ADGB: variants seen among roughly 807,000 people sequenced by gnomAD.
ADGB encodes androglobin.
Under a neutral mutation model 210.5 loss-of-function variants are expected in ADGB, and 172 were observed. The ratio of observed to expected loss-of-function variants is 0.82; its 90% CI spans 0.72 to 0.93. The LOEUF (loss-of-function observed/expected upper bound fraction) is 0.93. Ranked by LOEUF, ADGB falls within the 40% of genes least tolerant of loss-of-function variation. The pLI is 0.00. For synonymous variants in ADGB, 658 were observed against 662.7 expected (o/e 0.99, Z 0.11); for missense variants, 2,025 against 1,964.8 (o/e 1.03, Z -0.58).
At chr6:146,788,269 G>A in intron 32 of ADGB, 120 bp from the exon 33 acceptor site, 1 of 921,604 alleles carries the variant, frequency 1.1e-6, no homozygotes, top group South Asian at 1.6e-5. Context: ...CTGGTTAGAA[G>A]TTATAGAGCT....
chr6:146,685,877 G>GT, intron 10 of ADGB, 49 bp downstream of exon 10: 1 of 1,170,070 alleles, frequency 8.5e-7, no homozygotes, highest in Non-Finnish European at 1.2e-6. Flanking sequence ...GTGTGTGTGG[G>GT]TGCACGTGTG....
intron 33 of ADGB, among the ~76,000 whole-genome samples, chr6:146,800,009 C>T (rs889127148): frequency 2.0e-5 from 3 of 152,118 alleles, no homozygotes; most frequent in African/African-American, 7.2e-5. Context: ...GGGGTTTCAC[C>T]ATCTTGGTCG....
intron 35 of ADGB, among the ~76,000 whole-genome samples, chr6:146,806,513 T>C (rs1778214249): frequency 6.6e-6 from 1 of 152,218 alleles, no homozygotes; most frequent in African/African-American, 2.4e-5. Context: ...CAGTATTATC[T>C]TTTGTAAAAA....
intron 35 of ADGB, chr6:146,803,441 G>T: frequency 6.2e-7 from 1 of 1,608,056 alleles, no homozygotes; most frequent in Non-Finnish European, 8.5e-7. Flanking sequence ...CACCTTCCAG[G>T]GGGCTGTTTT....
chr6:146,773,170 A>G (rs1384533071), intron 29 of ADGB, among the ~76,000 whole-genome samples: 2 of 152,128 alleles, frequency 1.3e-5, no homozygotes. Flanking sequence ...GGTCACAGAA[A>G]TTCATAATTA....
In ADGB at chr6:146,692,921, T is replaced by A. The variant is rs1012295056; in HGVS notation, c.1577+6T>A. ...TTTACAATTCCAACAGAAATGTAAG[T>A]ATTAACATTCTTCCTCACAAATGTG... On this transcript the variant is annotated splice_donor_region_variant and intron_variant, in intron 12 of 35. Transcript: ENST00000397944. The A allele has an allele frequency of 7.0e-7, 1 of 1,420,214 alleles. No individual in the cohort carries two copies. The highest frequency in any genetic ancestry group is 1.4e-5 in the African/African-American group (1 of 69,796). 88.0% of individuals were successfully genotyped at this position (1,420,214 alleles called of 1,614,324 possible). A position where few individuals can be genotyped will look rare whatever the true frequency, so the allele number is the denominator to read the frequency against.
chr6:146,752,405 C>G, intron 26 of ADGB, 125 bp from the exon 27 acceptor site: 1 of 849,260 alleles, frequency 1.2e-6, no homozygotes, highest in Non-Finnish European at 1.8e-6. Context: ...GGCCCCACCT[C>G]AAACAGTGAG....
chr6:146,642,424 C>T (rs184165848), intron 2 of ADGB, among the ~76,000 whole-genome samples: 3 of 151,958 alleles, frequency 2.0e-5, no homozygotes, highest in Non-Finnish European at 4.4e-5. Context: ...ACCATAGAGA[C>T]ACATGCATGC....
chr6:146,807,808 A>C (rs1047674651), intron 35 of ADGB: 4 of 337,944 alleles, frequency 1.2e-5, no homozygotes, highest in Admixed American at 4.8e-5. Flanking sequence ...CCAAATATTT[A>C]AAATGTAATA....
intron 6 of ADGB, 152 bp downstream of exon 6, chr6:146,664,492 C>A: frequency 2.8e-6 from 2 of 710,276 alleles, no homozygotes; most frequent in South Asian, 6.6e-5. Context: ...ATCAAATACG[C>A]CAAAACCACT....
chr6:146,609,839 T>C (rs1177805442), intron 1 of ADGB, among the ~76,000 whole-genome samples: 1 of 152,164 alleles, frequency 6.6e-6, no homozygotes, highest in Non-Finnish European at 1.5e-5. Context: ...GATTCCCTTT[T>C]GGCAGTGAAT....
chr6:146,661,906 G>T (rs890595497), intron 5 of ADGB, among the ~76,000 whole-genome samples: 1 of 151,970 alleles, frequency 6.6e-6, no homozygotes, highest in Non-Finnish European at 1.5e-5. Context: ...TTTTCTTTCA[G>T]CATTTGGTAT....
intron 31 of ADGB, among the ~76,000 whole-genome samples, chr6:146,785,174 A>G (rs767053769): frequency 6.6e-6 from 1 of 152,132 alleles, no homozygotes; most frequent in Non-Finnish European, 1.5e-5. Context: ...ATTAAAAACC[A>G]TGTGCTGCCC....
At chr6:146,686,923 T>A (rs1247813105) in intron 10 of ADGB, among the ~76,000 whole-genome samples, 1 of 152,160 alleles carries the variant, frequency 6.6e-6, no homozygotes, top group African/African-American at 2.4e-5. Flanking sequence ...AATATTCCAA[T>A]TGAATGATTA....
chr6:146,602,767 C>T (rs1443826647), intron 1 of ADGB, among the ~76,000 whole-genome samples: 1 of 152,170 alleles, frequency 6.6e-6, no homozygotes, highest in East Asian at 1.9e-4. Context: ...TCCCCCTGAG[C>T]TCCTCATCCT....
chr6:146,735,484 T>C (rs368292625), intron 22 of ADGB, among the ~76,000 whole-genome samples: 33 of 152,294 alleles, frequency 2.2e-4, no homozygotes, highest in South Asian at 1.9e-3. Flanking sequence ...AACACACTCT[T>C]TCGATAATCA....
At chr6:146,610,705 C>A (rs1562254365) in intron 1 of ADGB, among the ~76,000 whole-genome samples, 1 of 152,136 alleles carries the variant, frequency 6.6e-6, no homozygotes, top group Non-Finnish European at 1.5e-5. Flanking sequence ...AGGTTAAGCA[C>A]CTTCTGCATT....
intron 3 of ADGB, among the ~76,000 whole-genome samples, chr6:146,647,427 G>GA (rs1047761057): frequency 1.3e-5 from 2 of 151,932 alleles, no homozygotes; most frequent in Non-Finnish European, 2.9e-5. Flanking sequence ...CAAACATGAT[G>GA]AAAAAAAGTA....
In ADGB at chr6:146,779,402, G is replaced by T. The variant is rs116184992; in HGVS notation, c.3863-2618G>T. ...AAGAAAAAGAGAAAGTGGCAGAAAG[G>T]CTATTTGAACTAATAATGGCTGAAA... is the stretch of plus-strand genomic sequence containing the variant. On this transcript the variant is annotated intron_variant, in intron 29 of 35. Coordinates refer to ENST00000397944, the MANE Select transcript of ADGB (RefSeq NM_024694.4). 7.7e-3 allele frequency among the ~76,000 whole-genome samples: 1,176 copies of T among 152,290 alleles called. 14 individuals carry two copies. Among genetic ancestry groups the T allele is most frequent in the African/African-American group, 0.025 (1,047 of 41,550 alleles).
Sources: gnomAD v4.1 joint callset for allele counts (sites outside exome capture counted in the v4.1 genomes callset) on GRCh38, gnomAD v4.1.1 for gene constraint, MANE v1.5 for transcripts, NCBI Gene and HGNC (gene_info 2026-07-23, HGNC 2026-07-21) for gene names.